The following VRK1 variants were observed in gnomAD, a reference collection of about 807,000 sequenced individuals.
VRK1 encodes VRK serine/threonine kinase 1.
VRK1 carries 33 observed loss-of-function variants against 57.1 expected under a neutral mutation model. The ratio of observed to expected loss-of-function variants is 0.58; its 90% confidence interval spans 0.44 to 0.77. The LOEUF is 0.77. VRK1 is among the 30% of genes least tolerant of loss of function. The pLI is 0.00. For synonymous variants in VRK1, 137 were observed against 147.8 expected, an observed-to-expected ratio of 0.93 and a Z score of 0.53; for missense variants, 413 against 477.3, an observed-to-expected ratio of 0.87 and a Z score of 1.25.
intron 2 of VRK1, among the ~76,000 whole-genome samples, chr14:96,836,632 C>T (rs776315484): frequency 2.7e-5 from 4 of 150,892 alleles, no homozygotes; most frequent in Non-Finnish European, 5.9e-5. Context: ...AAGTGATTCT[C>T]CCACCTCAGC....
intron 1 of VRK1, among the ~76,000 whole-genome samples, chr14:96,812,695 C>T (rs375441485): frequency 4.6e-5 from 7 of 152,114 alleles, no homozygotes; most frequent in African/African-American, 4.8e-5. Context: ...AGAGACTGTT[C>T]GTTCTGTATT....
At chr14:96,808,554 C>T (rs146221002) in intron 1 of VRK1, among the ~76,000 whole-genome samples, 1 of 152,198 alleles carries the variant, frequency 6.6e-6, no homozygotes, top group Non-Finnish European at 1.5e-5. Flanking sequence ...GGATATCTTG[C>T]AGACAGTAGT....
chr14:96,864,907 A>G (rs1296181897), intron 11 of VRK1, among the ~76,000 whole-genome samples: 1 of 146,858 alleles, frequency 6.8e-6, no homozygotes, highest in Non-Finnish European at 1.5e-5. Context: ...TACATTTCAA[A>G]TCGTTTGCCT....
chr14:96,816,472 C>T (rs774109477), intron 1 of VRK1, among the ~76,000 whole-genome samples: 19 of 152,160 alleles, frequency 1.2e-4, no homozygotes, highest in Non-Finnish European at 8.8e-5. Flanking sequence ...AGAGAAACTC[C>T]TCCTTCTTTA....
chr14:96,871,659 T>C lies in VRK1; in HGVS notation c.1069-4371T>C, dbSNP rs149512811. ...ATGACAGTGCCAGGCACACAGTAGA[T>C]GCTTAATAAGTACATGGTGGTGATC... On this transcript the variant is annotated intron_variant, in intron 11 of 12. Coordinates refer to ENST00000216639, the MANE Select transcript of VRK1 (RefSeq NM_003384.3). Among the ~76,000 whole-genome samples, 171 of 152,320 alleles carry C rather than the reference T, an allele frequency of 1.1e-3. 3 individuals are homozygous for C. In the East Asian group the frequency reaches 0.025, roughly 22 times the overall value.
At chr14:96,806,329 T>C (rs1172083228) in intron 1 of VRK1, among the ~76,000 whole-genome samples, 2 of 152,352 alleles carry the variant, frequency 1.3e-5, no homozygotes, top group East Asian at 3.9e-4. Context: ...TTGGGGACAA[T>C]CAGGATAATT....
chr14:96,823,779 C>T (rs1886694937), intron 1 of VRK1, among the ~76,000 whole-genome samples: 1 of 152,134 alleles, frequency 6.6e-6, no homozygotes, highest in Admixed American at 6.5e-5. Context: ...CTCTTTTCTC[C>T]CTCCCTCCAG....
At chr14:96,868,032 C>T (rs1193114562) in intron 11 of VRK1, among the ~76,000 whole-genome samples, 1 of 151,786 alleles carries the variant, frequency 6.6e-6, no homozygotes, top group African/African-American at 2.4e-5. Context: ...TGTTGTTTGA[C>T]TTATTTTAAT....
intron 12 of VRK1, among the ~76,000 whole-genome samples, chr14:96,880,332 A>G (rs1889209786): frequency 6.6e-6 from 1 of 152,064 alleles, no homozygotes; most frequent in East Asian, 1.9e-4. Flanking sequence ...TCGTGCAGTC[A>G]TTGATTAATT....
At chr14:96,848,768 T>A (rs1335309957) in intron 5 of VRK1, among the ~76,000 whole-genome samples, 1 of 152,208 alleles carries the variant, frequency 6.6e-6, no homozygotes, top group East Asian at 1.9e-4. Context: ...AATTTCTTCA[T>A]CTGTGAAATG....
chr14:96,833,328 AG>A (rs1887084612), intron 1 of VRK1, 138 bp from the exon 2 acceptor site: 1 of 884,136 alleles, frequency 1.1e-6, no homozygotes. Flanking sequence ...ATTATAAGTC[AG>A]AATTAACAGG....
At chr14:96,808,028 T>TCTCC (rs1566683662) in intron 1 of VRK1, among the ~76,000 whole-genome samples, 6 of 83,574 alleles carry the variant, frequency 7.2e-5, no homozygotes, top group African/African-American at 1.8e-4. Flanking sequence ...TGTGTGTGTG[T>TCTCC]GTGTGTGTGT....
intron 3 of VRK1, 144 bp downstream of exon 3, chr14:96,837,961 A>G: frequency 2.1e-6 from 1 of 474,520 alleles, no homozygotes; most frequent in East Asian, 3.8e-5. Context: ...TAAGACACAA[A>G]AGTAGCTTTA....
chr14:96,873,563 A>T (rs1405142098), intron 11 of VRK1, among the ~76,000 whole-genome samples: 2 of 152,218 alleles, frequency 1.3e-5, no homozygotes, highest in Non-Finnish European at 2.9e-5. Context: ...GTGAGACCTG[A>T]TACAGAATGT....
At chr14:96,805,613 T>A (rs1024377892) in intron 1 of VRK1, among the ~76,000 whole-genome samples, 1 of 152,228 alleles carries the variant, frequency 6.6e-6, no homozygotes, top group Non-Finnish European at 1.5e-5. Context: ...TAAGTCATTT[T>A]AAAAATAATC....
At chr14:96,800,144 TC>T (rs1375076872) in intron 1 of VRK1, among the ~76,000 whole-genome samples, 1 of 152,172 alleles carries the variant, frequency 6.6e-6, no homozygotes, top group African/African-American at 2.4e-5. Flanking sequence ...GTATTTTTAC[TC>T]TAGGATAAGT....
chr14:96,860,406 A>G (rs1888338785), intron 10 of VRK1, 151 bp from the exon 11 acceptor site: 1 of 708,010 alleles, frequency 1.4e-6, no homozygotes, highest in East Asian at 2.8e-5. Context: ...TGAGTTCAAA[A>G]GCATACTTTT....
chr14:96,856,089 A>G, intron 8 of VRK1, 41 bp from the exon 9 acceptor site: 1 of 1,607,992 alleles, frequency 6.2e-7, no homozygotes, highest in Non-Finnish European at 8.5e-7. Flanking sequence ...TACATTAAAA[A>G]TTATTTCAGT....
intron 11 of VRK1, among the ~76,000 whole-genome samples, chr14:96,873,291 A>T (rs1888899793): frequency 6.6e-6 from 1 of 152,210 alleles, no homozygotes. Flanking sequence ...TTAGACTATT[A>T]GTAAATTATC....
Sources: allele counts gnomAD v4.1 joint callset (sites outside exome capture counted in the v4.1 genomes callset), GRCh38; gene constraint gnomAD v4.1.1; transcripts MANE v1.5; gene names NCBI Gene and HGNC (gene_info 2026-07-23, HGNC 2026-07-21).